CACNA2D3: variants seen among roughly 807,000 people sequenced by gnomAD.
CACNA2D3 encodes voltage-dependent calcium channel subunit alpha-2/delta-3.
In CACNA2D3, 60 loss-of-function variants were observed where a neutral mutation model predicts 160.6. That is an observed-to-expected ratio of 0.37 (90% CI 0.30 to 0.46). The LOEUF (loss-of-function observed/expected upper bound fraction) is 0.46, where lower values mean the gene tolerates loss of function less well. Ranked by LOEUF, CACNA2D3 falls within the 20% of genes least tolerant of loss-of-function variation. The pLI, the probability that CACNA2D3 is intolerant of heterozygous loss-of-function variation, is 1.00. For synonymous variants in CACNA2D3, 558 were observed against 492.9 expected (o/e 1.13, Z -1.75); for missense variants, 1,205 against 1,365.0 (o/e 0.88, Z 1.85).
At chr3:55,004,674 A>T in intron 31 of CACNA2D3, 89 bp from the exon 32 acceptor site, 3 of 829,992 alleles carry the variant, frequency 3.6e-6, no homozygotes, top group Non-Finnish European at 6.1e-6. Context: ...GCACTTGATG[A>T]TAGTGACTGC....
At chr3:54,155,306 G>A (rs1360073307) in intron 2 of CACNA2D3, among the ~76,000 whole-genome samples, 3 of 152,150 alleles carry the variant, frequency 2.0e-5, no homozygotes, top group Admixed American at 2.0e-4. Context: ...CCCCAGGGTC[G>A]TGTCCATCCT....
At chr3:54,621,885 C>T (rs900321477) in intron 9 of CACNA2D3, among the ~76,000 whole-genome samples, 1 of 152,184 alleles carries the variant, frequency 6.6e-6, no homozygotes, top group Admixed American at 6.5e-5. Flanking sequence ...TGAAGACGGT[C>T]CTTTCTTTTA....
chr3:54,986,024 A>G (rs1275818594), intron 30 of CACNA2D3, among the ~76,000 whole-genome samples: 1 of 152,190 alleles, frequency 6.6e-6, no homozygotes, highest in African/African-American at 2.4e-5. Flanking sequence ...CTATAGTTAT[A>G]TGCCCTGTTG....
At chr3:54,601,874 T>G (rs1352676812) in intron 9 of CACNA2D3, among the ~76,000 whole-genome samples, 1 of 152,106 alleles carries the variant, frequency 6.6e-6, no homozygotes, top group African/African-American at 2.4e-5. Context: ...TGTTTGACAC[T>G]GGCTAATTTT....
At chr3:54,194,706 C>T (rs907825349) in intron 2 of CACNA2D3, among the ~76,000 whole-genome samples, 1 of 152,202 alleles carries the variant, frequency 6.6e-6, no homozygotes, top group African/African-American at 2.4e-5. Context: ...AAGATGCGTT[C>T]CTCATAGATG....
chr3:54,208,956 A>G (rs774630250), intron 2 of CACNA2D3, among the ~76,000 whole-genome samples: 1 of 152,174 alleles, frequency 6.6e-6, no homozygotes, highest in East Asian at 1.9e-4. Flanking sequence ...GTGGCAGACA[A>G]GAAAGAATGA....
intron 3 of CACNA2D3, among the ~76,000 whole-genome samples, chr3:54,349,858 T>A (rs1698522592): frequency 6.6e-6 from 1 of 152,250 alleles, no homozygotes; most frequent in South Asian, 2.1e-4. Context: ...GTTCTTGTTC[T>A]CATTGTTCAG....
intron 2 of CACNA2D3, among the ~76,000 whole-genome samples, chr3:54,286,086 T>C (rs1703015403): frequency 6.6e-6 from 1 of 152,170 alleles, no homozygotes; most frequent in South Asian, 2.1e-4. Context: ...GGAGAATGAC[T>C]TTGACGAGTT....
At chr3:54,462,395 A>G (rs907270975) in intron 4 of CACNA2D3, among the ~76,000 whole-genome samples, 1 of 152,056 alleles carries the variant, frequency 6.6e-6, no homozygotes. Context: ...TCCCATTACT[A>G]TTGTGTGGGA....
intron 11 of CACNA2D3, among the ~76,000 whole-genome samples, chr3:54,728,839 T>G (rs1701327456): frequency 6.6e-6 from 1 of 152,236 alleles, no homozygotes; most frequent in African/African-American, 2.4e-5. Flanking sequence ...GGCTTAACTT[T>G]AAATTTTGAT....
At chr3:54,177,914 TAAG>T (rs1196681717) in intron 2 of CACNA2D3, 1 of 152,186 alleles carries the variant, frequency 6.6e-6, no homozygotes, top group Non-Finnish European at 1.5e-5. Context: ...GATAATTTTT[TAAG>T]AAGGATTACC....
intron 5 of CACNA2D3, among the ~76,000 whole-genome samples, chr3:54,553,577 TC>T (rs1366662072): frequency 3.3e-5 from 5 of 152,232 alleles, no homozygotes; most frequent in Non-Finnish European, 7.3e-5. Context: ...TCCCTTCCCT[TC>T]CATCAGTGGT....
chr3:55,053,998 A>C (rs575067686), intron 35 of CACNA2D3, among the ~76,000 whole-genome samples: 1 of 151,102 alleles, frequency 6.6e-6, no homozygotes, highest in South Asian at 2.1e-4. Context: ...TTTTATATTG[A>C]CTATTTTATG....
intron 34 of CACNA2D3, among the ~76,000 whole-genome samples, chr3:55,010,028 A>G (rs184786823): frequency 6.6e-6 from 1 of 152,330 alleles, no homozygotes; most frequent in Admixed American, 6.5e-5. Flanking sequence ...ACAATGGGGA[A>G]AAATAATATT....
chr3:54,480,033 A>G lies in CACNA2D3; in HGVS notation c.382-23459A>G, dbSNP rs1428308339. ...AGGAAATTGCTCATCCCCAAACTCC[A>G]TGTGCCTGCACATGCTCACACAAGT... On this transcript the variant is annotated intron_variant, in intron 4 of 37. Coordinates refer to ENST00000474759, the MANE Select transcript of CACNA2D3 (RefSeq NM_018398.3). Among the ~76,000 whole-genome samples the G allele has an allele frequency of 2.0e-5, 3 of 152,254 alleles. No individual in the cohort carries two copies. The East Asian group carries it at 5.8e-4, about 30-fold the overall frequency.
At chr3:54,416,472 A>G (rs901443231) in intron 4 of CACNA2D3, among the ~76,000 whole-genome samples, 2 of 152,190 alleles carry the variant, frequency 1.3e-5, no homozygotes, top group Admixed American at 6.5e-5. Flanking sequence ...TGTTACATCC[A>G]TAATGGTGAC....
intron 6 of CACNA2D3, among the ~76,000 whole-genome samples, chr3:54,566,723 G>T (rs1033474714): frequency 6.6e-6 from 1 of 152,146 alleles, no homozygotes; most frequent in African/African-American, 2.4e-5. Context: ...CCGTACGCAG[G>T]GGAGTTTGTT....
At chr3:54,918,551 T>C (rs1700733136) in intron 27 of CACNA2D3, 3 of 1,614,004 alleles carry the variant, frequency 1.9e-6, no homozygotes, top group Middle Eastern at 1.6e-4. Flanking sequence ...TGGGCTGTGA[T>C]TGCCGCATAG....
chr3:54,459,506 ATTTCTC>A (rs1227374744), intron 4 of CACNA2D3, among the ~76,000 whole-genome samples: 1 of 151,544 alleles, frequency 6.6e-6, no homozygotes, highest in African/African-American at 2.4e-5. Flanking sequence ...TTTGATTTGC[ATTTCTC>A]TGATGGCCAG....
Sources: gnomAD v4.1 joint callset for allele counts (sites outside exome capture counted in the v4.1 genomes callset) on GRCh38, gnomAD v4.1.1 for gene constraint, MANE v1.5 for transcripts, NCBI Gene and HGNC (gene_info 2026-07-23, HGNC 2026-07-21) for gene names.